Variants in TSPAN2 observed in about 807,000 individuals in gnomAD.
The protein encoded by TSPAN2 is tetraspanin-2.
Under a neutral mutation model 33.3 loss-of-function variants are expected in TSPAN2, and 24 were observed. The ratio of observed to expected loss-of-function variants is 0.72; its 90% CI spans 0.52 to 1.01. The LOEUF (loss-of-function observed/expected upper bound fraction) is 1.01. Among genes scored for constraint, TSPAN2 ranks in the 50% least tolerant of loss-of-function variants. The pLI is 0.00. For missense variants in TSPAN2, 278 were observed against 281.3 expected (o/e 0.99, Z 0.08); for synonymous variants, 114 against 104.5 (o/e 1.09, Z -0.56).
At chr1:115,064,241 C>T (rs1216418997) in intron 2 of TSPAN2, among the ~76,000 whole-genome samples, 1 of 152,204 alleles carries the variant, frequency 6.6e-6, no homozygotes, top group Non-Finnish European at 1.5e-5. Context: ...AATTCCCATC[C>T]CACACTTCTA....
chr1:115,054,312 C>A (rs1647309047), intron 6 of TSPAN2, among the ~76,000 whole-genome samples: 1 of 152,136 alleles, frequency 6.6e-6, no homozygotes, highest in African/African-American at 2.4e-5. Context: ...TTCGTATTTC[C>A]TATCACACTT....
At chr1:115,074,588 C>T (rs1042359104) in intron 1 of TSPAN2, among the ~76,000 whole-genome samples, 5 of 152,158 alleles carry the variant, frequency 3.3e-5, no homozygotes, top group Non-Finnish European at 4.4e-5. Flanking sequence ...GTCATGGAAA[C>T]ATATTGAAAG....
At chr1:115,052,106 C>G (rs2101020121) in intron 7 of TSPAN2, among the ~76,000 whole-genome samples, 1 of 152,284 alleles carries the variant, frequency 6.6e-6, no homozygotes, top group Non-Finnish European at 1.5e-5. Flanking sequence ...TCAGACCTGC[C>G]TCAGGACTGT....
Position 115,089,421 on chromosome 1 carries a change from G to A in TSPAN2, c.12C>T (p.Phe4=), listed in dbSNP as rs1172157317. The A allele has an allele frequency of 1.3e-6, 2 of 1,583,452 alleles. No individual in the cohort carries two copies. Among genetic ancestry groups the A allele is most frequent in the Non-Finnish European group, 1.7e-6 (2 of 1,166,802 alleles). ...ACTTGATGCACCGCAGGCCCCCGCGGAAGCGCCCCATGCTGCGGCCCGGCG... is the reference window on the plus strand; with the variant it reads ...ACTTGATGCACCGCAGGCCCCCGCGAAAGCGCCCCATGCTGCGGCCCGGCG... MGR[F]RGGLRCIKYL... Residue 4 remains phenylalanine (F), a synonymous_variant, in exon 1 of 8, where the codon TTC becomes TTT. Coordinates refer to ENST00000369516, the MANE Select transcript of TSPAN2 (RefSeq NM_005725.6).
At chr1:115,081,892 A>G (rs1298350037) in intron 1 of TSPAN2, among the ~76,000 whole-genome samples, 10 of 152,334 alleles carry the variant, frequency 6.6e-5, no homozygotes, top group East Asian at 1.9e-4. Flanking sequence ...CCCTCTTTCC[A>G]TGACAGCTGG....
chr1:115,087,615 C>A (rs867570749), intron 1 of TSPAN2, among the ~76,000 whole-genome samples: 944 of 91,666 alleles, frequency 0.01, no homozygotes, highest in Middle Eastern at 0.024. Flanking sequence ...GACTCCGTCT[C>A]AAAAAAAAAA....
At position 115,062,140 on chromosome 1, in the gene TSPAN2, C is replaced by T; in HGVS notation, c.265G>A (p.Gly89Arg). ...GAMRESQCVL[G>R]SFFTCLLVIF... is the part of the protein sequence containing the mutation. ...TACCCCCTCGCCCCACTTACTGATC[C>T]AAGCACACATTGCGACTCCCGCATG... Residue 89 changes from glycine to arginine, a missense_variant, in exon 3 of 8, where the codon GGA becomes AGA. Gly to Arg is a moderately radical substitution (Grantham distance 125). Coordinates refer to ENST00000369516, the MANE Select transcript of TSPAN2 (RefSeq NM_005725.6). The T allele has an allele frequency of 1.9e-6, 3 of 1,589,894 alleles. No individual in the cohort carries two copies. Among genetic ancestry groups the T allele is most frequent in the Non-Finnish European group, 2.6e-6 (3 of 1,167,814 alleles).
intron 2 of TSPAN2, among the ~76,000 whole-genome samples, chr1:115,064,576 C>T (rs1647865683): frequency 6.6e-6 from 1 of 152,206 alleles, no homozygotes; most frequent in Non-Finnish European, 1.5e-5. Flanking sequence ...TTCAAGTTGA[C>T]AAACCTTATT....
chr1:115,085,699 T>A (rs1648806750), intron 1 of TSPAN2, among the ~76,000 whole-genome samples: 2 of 152,122 alleles, frequency 1.3e-5, no homozygotes, highest in Non-Finnish European at 2.9e-5. Context: ...TGAGTGGGGC[T>A]TTTCTGGAAT....
intron 3 of TSPAN2, among the ~76,000 whole-genome samples, chr1:115,061,223 T>G (rs4240539): frequency 0.92 from 139,671 of 152,284 alleles, 64,086 homozygotes; most frequent in East Asian, 1. Flanking sequence ...AAAATCCAAA[T>G]ATCACAATAA....
rs1675254138 is a variant in TSPAN2 at position 115,049,595 on chromosome 1, T to C, written c.*895A>G. The C allele has an allele frequency of 6.6e-6, 1 of 152,622 alleles. No individual in the cohort carries two copies. The highest frequency in any genetic ancestry group is 6.5e-5 in the Admixed American group (1 of 15,288). The allele number at this position is 152,622 out of a possible 1,614,324, so 9.5% of individuals were successfully genotyped here. Reference sequence around the variant, plus strand: ...CCAGATCTCTTGCTTTAGTCTTTTTTCCTTATATTTGGAGAAACAGAAGAG... The same window carrying C: ...CCAGATCTCTTGCTTTAGTCTTTTTCCCTTATATTTGGAGAAACAGAAGAG... On this transcript the variant is annotated 3_prime_UTR_variant, in exon 8 of 8. Coordinates refer to ENST00000369516, the MANE Select transcript of TSPAN2 (RefSeq NM_005725.6).
At chr1:115,069,183 A>G (rs1278671349) in intron 2 of TSPAN2, among the ~76,000 whole-genome samples, 3 of 152,182 alleles carry the variant, frequency 2.0e-5, no homozygotes, top group African/African-American at 7.2e-5. Flanking sequence ...ATGCCCTGTG[A>G]CACCAAGAGC....
At chr1:115,079,239 C>T (rs17479252) in intron 1 of TSPAN2, among the ~76,000 whole-genome samples, 51,282 of 151,798 alleles carry the variant, frequency 0.34, 9,455 homozygotes, top group Non-Finnish European at 0.42. Flanking sequence ...GGGTGAATAC[C>T]AACTCATTTG....
rs76216786 is a variant in TSPAN2, at chr1:115,074,260, T to C, written c.70-1253A>G. ...CCTTTTTATACAGGGGACTTCTGTC[T>C]TGCCAGGCAGCTTATAAAGGACCCG... On this transcript the variant is annotated intron_variant, in intron 1 of 7. Transcript: ENST00000369516. Among the ~76,000 whole-genome samples, 637 of 152,294 alleles carry C rather than the reference T, an allele frequency of 4.2e-3. 2 individuals carry two copies. The highest frequency in any genetic ancestry group is 0.014 in the African/African-American group (593 of 41,582).
intron 2 of TSPAN2, among the ~76,000 whole-genome samples, chr1:115,062,978 C>A (rs577672898): frequency 1.1e-4 from 17 of 152,294 alleles, no homozygotes; most frequent in Non-Finnish European, 2.5e-4. Flanking sequence ...GGCCCTGAGG[C>A]CTTGCTGCTC....
intron 1 of TSPAN2, among the ~76,000 whole-genome samples, chr1:115,083,302 G>A (rs1484185333): frequency 1.3e-5 from 2 of 152,218 alleles, no homozygotes; most frequent in Admixed American, 1.3e-4. Context: ...CTTCATGGCT[G>A]ATGTTCTAGA....
chr1:115,052,282 A>G (rs1266251654), intron 7 of TSPAN2, among the ~76,000 whole-genome samples: 1 of 152,180 alleles, frequency 6.6e-6, no homozygotes, highest in African/African-American at 2.4e-5. Flanking sequence ...GTGTCCCCTG[A>G]TAACTGCAAA....
rs748784088 is a variant in TSPAN2, at chr1:115,062,209, C to T, written c.196G>A (p.Gly66Arg). 20 of 1,594,500 alleles carry T rather than the reference C, an allele frequency of 1.3e-5. 1 individual carries two copies. Among genetic ancestry groups the T allele is most frequent in the Middle Eastern group, 1.7e-4 (1 of 6,042 alleles). Residue 66 changes from glycine to arginine, a missense_variant, in exon 3 of 8, where the codon GGG becomes AGG. Coordinates refer to ENST00000369516, the MANE Select transcript of TSPAN2 (RefSeq NM_005725.6). ...YVGLYVLVGAGALMMAVGFFG... is the reference protein window; with the variant it reads ...YVGLYVLVGARALMMAVGFFG... ...AACCCCACGGCCATCATCAGGGCCCCGGCTCCAACCAGAACATACAGCCCT... is the reference window on the plus strand; with the variant it reads ...AACCCCACGGCCATCATCAGGGCCCTGGCTCCAACCAGAACATACAGCCCT...
intron 2 of TSPAN2, among the ~76,000 whole-genome samples, chr1:115,065,903 C>A (rs1647932498): frequency 6.6e-6 from 1 of 152,158 alleles, no homozygotes; most frequent in African/African-American, 2.4e-5. Flanking sequence ...ATCTCCCCAA[C>A]CCCCTACACT....
Sources: allele counts gnomAD v4.1 joint callset (sites outside exome capture counted in the v4.1 genomes callset), GRCh38; gene constraint gnomAD v4.1.1; transcripts MANE v1.5; gene names NCBI Gene and HGNC (gene_info 2026-07-23, HGNC 2026-07-21).